Variants in NKAIN2 observed in about 807,000 individuals in gnomAD.
NKAIN2 encodes sodium/potassium transporting ATPase interacting 2, also known as sodium/potassium-transporting ATPase subunit beta-1-interacting protein 2.
NKAIN2 carries 14 observed loss-of-function variants against 32.6 expected under a neutral mutation model. That is an observed-to-expected ratio of 0.43 (90% CI 0.28 to 0.67). The LOEUF is 0.67. Among genes scored for constraint, NKAIN2 ranks in the 30% least tolerant of loss-of-function variants. The pLI is 0.17. For missense variants in NKAIN2, 198 were observed against 258.3 expected (o/e 0.77, Z 1.60); for synonymous variants, 80 against 87.2 (o/e 0.92, Z 0.46).
chr6:124,032,515 A>G (rs1210168265), intron 1 of NKAIN2, among the ~76,000 whole-genome samples: 2 of 152,098 alleles, frequency 1.3e-5, no homozygotes, highest in Non-Finnish European at 2.9e-5. Flanking sequence ...CTATCTTTCT[A>G]TGAACCTTAC....
chr6:124,821,115 C>T lies in NKAIN2; in HGVS notation c.618-2105C>T, dbSNP rs184112427. Among the ~76,000 whole-genome samples the T allele has an allele frequency of 1.5e-4, 23 of 151,890 alleles. No homozygotes were observed. In the East Asian group the frequency reaches 3.7e-3, roughly 24 times the overall value. On this transcript the variant is annotated intron_variant, in intron 6 of 6. Transcript: ENST00000368417. ...TTCGAGAGCAGCCTGGCCAACATGG[C>T]GAAACTCCATCTCTACTAAAAATAC...
intron 1 of NKAIN2, among the ~76,000 whole-genome samples, chr6:123,897,490 C>A (rs1056978728): frequency 6.6e-6 from 1 of 152,144 alleles, no homozygotes; most frequent in Admixed American, 6.5e-5. Context: ...TTTATTCACA[C>A]TTCAAATACA....
chr6:124,283,223 T>A (rs58593549), intron 2 of NKAIN2, 81 bp downstream of exon 2: 41,983 of 919,170 alleles, frequency 0.046, 1,276 homozygotes, highest in Admixed American at 0.098. Flanking sequence ...AAAACTTATG[T>A]GTATAATCTA....
chr6:124,243,676 T>C (rs971830255), intron 1 of NKAIN2, among the ~76,000 whole-genome samples: 1 of 152,106 alleles, frequency 6.6e-6, no homozygotes, highest in Non-Finnish European at 1.5e-5. Context: ...TGGAAAACTG[T>C]ATGATTCCTC....
chr6:123,851,244 ATTTTTTTTTT>A (rs59287833), intron 1 of NKAIN2, among the ~76,000 whole-genome samples: 2 of 88,196 alleles, frequency 2.3e-5, no homozygotes, highest in Non-Finnish European at 4.0e-5. Context: ...TGGTGGTTCT[ATTTTTTTTTT>A]TTTTTTTTTT....
chr6:124,762,675 C>G (rs1029733939), intron 4 of NKAIN2, among the ~76,000 whole-genome samples: 2 of 152,086 alleles, frequency 1.3e-5, no homozygotes, highest in Admixed American at 6.5e-5. Flanking sequence ...AATTTGACTT[C>G]AAAGGATAGG....
chr6:124,332,374 T>C (rs1251846313), intron 2 of NKAIN2, among the ~76,000 whole-genome samples: 1 of 152,120 alleles, frequency 6.6e-6, no homozygotes, highest in East Asian at 1.9e-4. Context: ...TTTGGAATGA[T>C]TACTACACAC....
At chr6:124,348,896 A>G (rs1166442824) in intron 2 of NKAIN2, among the ~76,000 whole-genome samples, 2 of 152,160 alleles carry the variant, frequency 1.3e-5, no homozygotes, top group Admixed American at 6.5e-5. Context: ...TCCCACCCCA[A>G]TACTGTGCTT....
chr6:123,820,200 G>A lies in NKAIN2; in HGVS notation c.54+15946G>A, dbSNP rs1336195025. Among the ~76,000 whole-genome samples, 4 of 152,228 alleles carry A rather than the reference G, an allele frequency of 2.6e-5. No homozygotes were observed. The East Asian group carries it at 7.7e-4, about 29-fold the overall frequency. On this transcript the variant is annotated intron_variant, in intron 1 of 6. Coordinates refer to ENST00000368417, the MANE Select transcript of NKAIN2 (RefSeq NM_001040214.3). ...ACTAAGCAGAAAGTATTAAAAGAAGGACAAAAAGGGTGTGGCCAATGCAAA... is the reference window on the plus strand; with the variant it reads ...ACTAAGCAGAAAGTATTAAAAGAAGAACAAAAAGGGTGTGGCCAATGCAAA...
chr6:124,612,195 G>T lies in NKAIN2; in HGVS notation c.274-45991G>T, dbSNP rs567727013. Among the ~76,000 whole-genome samples the T allele has an allele frequency of 4.7e-5, 7 of 149,432 alleles. No homozygotes were observed. In the South Asian group the frequency reaches 1.5e-3, roughly 31 times the overall value. On this transcript the variant is annotated intron_variant, in intron 3 of 6. Transcript: ENST00000368417. ...TGAATCACTCTATGTTTTTGGAATA[G>T]AAAAAAATCTTAAATACAGGAACAG...
At chr6:124,375,160 C>T (rs62434748) in intron 3 of NKAIN2, among the ~76,000 whole-genome samples, 3,614 of 151,992 alleles carry the variant, frequency 0.024, 91 homozygotes, top group Non-Finnish European at 0.034. Context: ...CTCTGGTCTA[C>T]GGTCACCTCC....
intron 1 of NKAIN2, among the ~76,000 whole-genome samples, chr6:123,932,174 T>G (rs2114523478): frequency 6.6e-6 from 1 of 152,282 alleles, no homozygotes; most frequent in East Asian, 1.9e-4. Context: ...CTTCCTAAGC[T>G]TTGGTAAGTG....
At chr6:124,667,565 A>G (rs891407515) in intron 4 of NKAIN2, among the ~76,000 whole-genome samples, 4 of 152,130 alleles carry the variant, frequency 2.6e-5, no homozygotes, top group African/African-American at 7.2e-5. Context: ...TGTATATAAT[A>G]TTATTGCCTT....
intron 4 of NKAIN2, among the ~76,000 whole-genome samples, chr6:124,693,292 G>T (rs1435287324): frequency 6.6e-6 from 1 of 152,140 alleles, no homozygotes; most frequent in Non-Finnish European, 1.5e-5. Flanking sequence ...ACACCATTCA[G>T]TACAGTAACA....
At chr6:124,181,688 C>T (rs777538036) in intron 1 of NKAIN2, among the ~76,000 whole-genome samples, 23 of 152,132 alleles carry the variant, frequency 1.5e-4, no homozygotes, top group East Asian at 3.9e-4. Context: ...AAAATGTTGC[C>T]GGTCTTTTTG....
chr6:124,207,932 A>G (rs1790977935), intron 1 of NKAIN2, among the ~76,000 whole-genome samples: 1 of 152,000 alleles, frequency 6.6e-6, no homozygotes, highest in Non-Finnish European at 1.5e-5. Flanking sequence ...CTAGAATTCT[A>G]GACTTGTATT....
At chr6:124,341,929 A>G (rs991068665) in intron 2 of NKAIN2, among the ~76,000 whole-genome samples, 9 of 152,208 alleles carry the variant, frequency 5.9e-5, no homozygotes, top group African/African-American at 2.2e-4. Context: ...TTTGCTCTTC[A>G]TTTATCATAA....
At chr6:124,169,693 T>A (rs989947339) in intron 1 of NKAIN2, among the ~76,000 whole-genome samples, 4 of 152,148 alleles carry the variant, frequency 2.6e-5, no homozygotes, top group Non-Finnish European at 5.9e-5. Flanking sequence ...CGTATGTTTT[T>A]TTTCTCCATG....
At chr6:124,134,956 G>A (rs1458305934) in intron 1 of NKAIN2, among the ~76,000 whole-genome samples, 1 of 152,110 alleles carries the variant, frequency 6.6e-6, no homozygotes, top group Non-Finnish European at 1.5e-5. Context: ...CTAGGCAGAA[G>A]TCCTAAAGTC....
Sources: allele counts gnomAD v4.1 joint callset (sites outside exome capture counted in the v4.1 genomes callset), GRCh38; gene constraint gnomAD v4.1.1; transcripts MANE v1.5; gene names NCBI Gene and HGNC (gene_info 2026-07-23, HGNC 2026-07-21).